The following ZNF423 variants were observed in gnomAD, a reference collection of about 807,000 sequenced individuals.
ZNF423 encodes Ebf-associated zinc finger protein.
A neutral mutation model predicts 95.8 loss-of-function variants in ZNF423; 12 were observed. The observed-to-expected ratio is 0.13, with a 90% CI of 0.08 to 0.20. The LOEUF is 0.20. Ranked by LOEUF, ZNF423 falls within the 10% of genes least tolerant of loss-of-function variation. The pLI, the probability that ZNF423 is intolerant of heterozygous loss-of-function variation, is 1.00. For missense variants in ZNF423, 1,316 were observed against 1,737.1 expected, an observed-to-expected ratio of 0.76 and a Z score of 4.31; for synonymous variants, 749 against 711.9, an observed-to-expected ratio of 1.05 and a Z score of -0.83.
chr16:49,698,751 G>C (rs1238852114), intron 3 of ZNF423, among the ~76,000 whole-genome samples: 1 of 152,220 alleles, frequency 6.6e-6, no homozygotes, highest in Non-Finnish European at 1.5e-5. Context: ...GGGTACCCCA[G>C]CCCGTCAGCC....
chr16:49,683,595 T>C (rs1189484202), intron 3 of ZNF423, among the ~76,000 whole-genome samples: 1 of 152,124 alleles, frequency 6.6e-6, no homozygotes, highest in African/African-American at 2.4e-5. Context: ...CAAGGTACAT[T>C]GAGAATAGTT....
At chr16:49,716,731 G>C (rs1437340817) in intron 3 of ZNF423, among the ~76,000 whole-genome samples, 9 of 152,102 alleles carry the variant, frequency 5.9e-5, no homozygotes, top group African/African-American at 2.2e-4. Flanking sequence ...TGCGACACTA[G>C]AAGCAGTTCC....
intron 1 of ZNF423, among the ~76,000 whole-genome samples, chr16:49,806,902 C>T (rs1376718890): frequency 6.6e-6 from 1 of 151,944 alleles, no homozygotes; most frequent in Non-Finnish European, 1.5e-5. Flanking sequence ...TAGCGCACGT[C>T]TGTAATCCCA....
At chr16:49,668,154 G>A (rs2030631370) in intron 3 of ZNF423, among the ~76,000 whole-genome samples, 1 of 152,148 alleles carries the variant, frequency 6.6e-6, no homozygotes, top group Non-Finnish European at 1.5e-5. Context: ...TCAGGAGTGT[G>A]GCCCTTTTCC....
At chr16:49,687,738 G>A (rs972408198) in intron 3 of ZNF423, among the ~76,000 whole-genome samples, 2 of 152,186 alleles carry the variant, frequency 1.3e-5, no homozygotes, top group Non-Finnish European at 1.5e-5. Flanking sequence ...ACCAGGTTCC[G>A]TCCTGCTGCG....
chr16:49,683,363 A>G (rs910106671), intron 3 of ZNF423, among the ~76,000 whole-genome samples: 19 of 152,302 alleles, frequency 1.2e-4, no homozygotes, highest in African/African-American at 3.8e-4. Flanking sequence ...TCTCATCTTA[A>G]TATTGAAAAT....
chr16:49,794,554 A>AGCACACGTGCAGGCAT (rs1401135809), intron 1 of ZNF423, among the ~76,000 whole-genome samples: 1 of 152,144 alleles, frequency 6.6e-6, no homozygotes, highest in African/African-American at 2.4e-5. Flanking sequence ...CCTCTGTTCA[A>AGCACACGTGCAGGCAT]GCACACGTGC....
chr16:49,761,678 G>A (rs372050122), intron 2 of ZNF423, among the ~76,000 whole-genome samples: 2 of 152,158 alleles, frequency 1.3e-5, no homozygotes, highest in African/African-American at 4.8e-5. Flanking sequence ...CTGAGAAAAT[G>A]GCAACTCCTT....
intron 5 of ZNF423, among the ~76,000 whole-genome samples, chr16:49,548,513 T>TA (rs546300280): frequency 3.6e-4 from 53 of 147,252 alleles, no homozygotes; most frequent in Middle Eastern, 3.5e-3. Flanking sequence ...ATGTTGCCGT[T>TA]AAAAAAAAAA....
intron 7 of ZNF423, chr16:49,518,277 C>G: frequency 5.1e-6 from 2 of 388,624 alleles, no homozygotes; most frequent in Non-Finnish European, 1.0e-5. Flanking sequence ...TACATGACCC[C>G]CAAGGTAAGT....
intron 7 of ZNF423, among the ~76,000 whole-genome samples, chr16:49,523,096 G>A (rs1968463868): frequency 6.6e-6 from 1 of 152,172 alleles, no homozygotes; most frequent in African/African-American, 2.4e-5. Flanking sequence ...AGTTGGCTGA[G>A]GCCCCTGTCC....
intron 5 of ZNF423, among the ~76,000 whole-genome samples, chr16:49,554,733 T>C (rs1049401106): frequency 1.3e-5 from 2 of 151,956 alleles, no homozygotes; most frequent in Non-Finnish European, 2.9e-5. Context: ...ATGATTATTG[T>C]AGGAAATTTG....
intron 1 of ZNF423, among the ~76,000 whole-genome samples, chr16:49,817,463 C>A (rs142949059): frequency 8.1e-4 from 124 of 152,304 alleles, no homozygotes; most frequent in African/African-American, 2.7e-3. Flanking sequence ...ATTATAAACC[C>A]AATAAAAGAG....
Position 49,636,280 on chromosome 16 carries a change from G to A in ZNF423, c.2896C>T (p.His966Tyr), listed in dbSNP as rs1156519110. ...HLQTHRGPAKHYMCPICGERF... is the reference protein window; with the variant it reads ...HLQTHRGPAKYYMCPICGERF... ...TCACCACAGATGGGACACATGTAGT[G>A]CTTGGCAGGGCCCCGGTGCGTCTGC... The change falls in exon 4 of 8, where the codon CAC becomes TAC. Residue 966 changes from histidine (H) to tyrosine (Y), a missense_variant. His to Tyr is a moderately conservative substitution (Grantham distance 83). This residue lies in a region of ZNF423 where 620 missense variants were observed against 775.6 expected (regional missense o/e 0.80). Coordinates refer to ENST00000563137, the MANE Select transcript of ZNF423 (RefSeq NM_001379286.1). The surrounding 1 kb of genome is among the most constrained non-coding windows in gnomAD (Gnocchi z 8.6). The A allele has an allele frequency of 5.0e-6, 8 of 1,612,852 alleles. No individual in the cohort carries two copies. In the East Asian group the frequency reaches 1.6e-4, roughly 31 times the overall value.
chr16:49,816,051 T>C (rs2034850800), intron 1 of ZNF423, among the ~76,000 whole-genome samples: 1 of 150,242 alleles, frequency 6.7e-6, no homozygotes. Flanking sequence ...CCTGGGTAGC[T>C]GGAATTACAA....
At chr16:49,717,621 C>G (rs924801353) in intron 3 of ZNF423, among the ~76,000 whole-genome samples, 23 of 152,212 alleles carry the variant, frequency 1.5e-4, no homozygotes, top group African/African-American at 5.3e-4. Flanking sequence ...CTGGATTCAG[C>G]TGCACCTGAA....
intron 5 of ZNF423, among the ~76,000 whole-genome samples, chr16:49,536,329 A>G (rs147773572): frequency 6.6e-6 from 1 of 151,984 alleles, no homozygotes; most frequent in Non-Finnish European, 1.5e-5. Context: ...AAACAATGAG[A>G]CTAGAAAATA....
At chr16:49,833,306 T>C (rs1189566657) in intron 1 of ZNF423, among the ~76,000 whole-genome samples, 2 of 152,224 alleles carry the variant, frequency 1.3e-5, no homozygotes, top group Non-Finnish European at 2.9e-5. Context: ...TGGATTTACG[T>C]GCGAGAGCAA....
chr16:49,629,209 A>T (rs1035648720), intron 4 of ZNF423, among the ~76,000 whole-genome samples: 1 of 151,818 alleles, frequency 6.6e-6, no homozygotes, highest in Non-Finnish European at 1.5e-5. Flanking sequence ...CTTTTAACCT[A>T]CCTGTGTCTT....
Sources: gnomAD v4.1 joint callset for allele counts (sites outside exome capture counted in the v4.1 genomes callset) on GRCh38, gnomAD v4.1.1 for gene constraint, gnomAD v4.1.1 regional missense constraint, Gnocchi (gnomAD v3.1) non-coding constraint, MANE v1.5 for transcripts, NCBI Gene and HGNC (gene_info 2026-07-23, HGNC 2026-07-21) for gene names.